RBM19: variants seen among roughly 807,000 people sequenced by gnomAD.
RBM19 encodes the protein RNA binding motif protein 19.
RBM19 carries 94 observed loss-of-function variants against 116.8 expected under a neutral mutation model. The ratio of observed to expected loss-of-function variants is 0.80; its 90% CI spans 0.68 to 0.95. The LOEUF (loss-of-function observed/expected upper bound fraction) is 0.95, where lower values mean the gene tolerates loss of function less well. Ranked by LOEUF, RBM19 falls within the 40% of genes least tolerant of loss-of-function variation. The pLI is 0.00. For missense variants in RBM19, 1,161 were observed against 1,220.7 expected (o/e 0.95, Z 0.73); for synonymous variants, 475 against 494.1 (o/e 0.96, Z 0.51).
chr12:113,936,268 G>A (rs1870053830), intron 16 of RBM19, among the ~76,000 whole-genome samples: 1 of 152,140 alleles, frequency 6.6e-6, no homozygotes, highest in Admixed American at 6.5e-5. Flanking sequence ...CGTAACATCT[G>A]GATAGAATGA....
chr12:113,943,350 G>C (rs1016662028), intron 13 of RBM19, among the ~76,000 whole-genome samples: 3 of 152,100 alleles, frequency 2.0e-5, no homozygotes, highest in Non-Finnish European at 2.9e-5. Context: ...GCTGGCCTGG[G>C]TCTAGAATTG....
At chr12:113,885,645 T>A (rs1880463102) in intron 21 of RBM19, among the ~76,000 whole-genome samples, 1 of 152,202 alleles carries the variant, frequency 6.6e-6, no homozygotes, top group Middle Eastern at 3.2e-3. Context: ...TTTAGATATT[T>A]ACTGGTGAAG....
At chr12:113,941,294 G>A (rs1189353291) in intron 14 of RBM19, among the ~76,000 whole-genome samples, 5 of 148,784 alleles carry the variant, frequency 3.4e-5, no homozygotes, top group East Asian at 2.0e-4. Flanking sequence ...AACTCAGGCC[G>A]CAGTGTTACA....
intron 23 of RBM19, among the ~76,000 whole-genome samples, chr12:113,829,819 A>G (rs1875210429): frequency 1.3e-5 from 2 of 152,212 alleles, no homozygotes; most frequent in Admixed American, 1.3e-4. Flanking sequence ...CATGAAAGCT[A>G]ACAATCAAAG....
intron 17 of RBM19, among the ~76,000 whole-genome samples, chr12:113,925,218 C>G (rs142628959): frequency 3.4e-4 from 51 of 152,220 alleles, no homozygotes; most frequent in Non-Finnish European, 6.3e-4. Flanking sequence ...CCATGTTTAC[C>G]TGGTTCCCGG....
intron 6 of RBM19, among the ~76,000 whole-genome samples, chr12:113,956,576 CAAAAA>C (rs10592306): frequency 3.0e-5 from 2 of 66,232 alleles, no homozygotes; most frequent in African/African-American, 6.6e-5. Flanking sequence ...AAGACTGTCT[CAAAAA>C]AAAAAAAAAA....
chr12:113,838,238 T>C (rs1322322044), intron 23 of RBM19, among the ~76,000 whole-genome samples: 1 of 151,990 alleles, frequency 6.6e-6, no homozygotes, highest in African/African-American at 2.4e-5. Flanking sequence ...CCAGCGTGCA[T>C]GGCTTTGGGA....
chr12:113,917,926 G>A (rs541675525), intron 20 of RBM19, among the ~76,000 whole-genome samples: 9 of 152,260 alleles, frequency 5.9e-5, no homozygotes, highest in Admixed American at 5.2e-4. Context: ...TAACACCTAC[G>A]GAATCTCTTT....
chr12:113,893,386 T>TC (rs1254251508), intron 21 of RBM19, among the ~76,000 whole-genome samples: 2 of 152,120 alleles, frequency 1.3e-5, no homozygotes, highest in African/African-American at 4.8e-5. Context: ...CGCCTTGCCC[T>TC]CCCAAAAGTG....
chr12:113,948,795 C>A, intron 10 of RBM19, 38 bp downstream of exon 10: 1 of 1,606,136 alleles, frequency 6.2e-7, no homozygotes, highest in Non-Finnish European at 8.5e-7. Flanking sequence ...GCTCCCATAG[C>A]CGCTGGGCTA....
chr12:113,839,841 T>C (rs1342282748), intron 23 of RBM19, among the ~76,000 whole-genome samples: 2 of 152,212 alleles, frequency 1.3e-5, no homozygotes, highest in Non-Finnish European at 2.9e-5. Flanking sequence ...ATCCAGGTCT[T>C]GCCCTGGAAC....
intron 9 of RBM19, among the ~76,000 whole-genome samples, chr12:113,949,821 G>T (rs1871325786): frequency 6.6e-6 from 1 of 152,124 alleles, no homozygotes; most frequent in Non-Finnish European, 1.5e-5. Flanking sequence ...ACCCGTGCCT[G>T]CTGTGTGTTT....
intron 5 of RBM19, 96 bp from the exon 6 acceptor site, chr12:113,958,146 A>AGG: frequency 6.6e-7 from 1 of 1,514,474 alleles, no homozygotes; most frequent in South Asian, 1.3e-5. Context: ...GAGAGGCCTG[A>AGG]GGCACCATGC....
chr12:113,931,408 G>C lies in RBM19; in HGVS notation c.2069-4179C>G, dbSNP rs961177350. Among the ~76,000 whole-genome samples the C allele has an allele frequency of 3.3e-5, 5 of 152,234 alleles. No individual in the cohort carries two copies. In the South Asian group the frequency reaches 6.2e-4, roughly 19 times the overall value. ...GAGCTGTGGCTGGTGTGCTTCGAAG[G>C]GGGAAGAGTTGTTATCTTTGCCAGC... On this transcript the variant is annotated intron_variant, in intron 16 of 23. Coordinates refer to ENST00000261741, the MANE Select transcript of RBM19 (RefSeq NM_016196.4).
intron 21 of RBM19, among the ~76,000 whole-genome samples, chr12:113,910,678 A>G (rs1448016253): frequency 6.6e-6 from 1 of 152,194 alleles, no homozygotes; most frequent in Non-Finnish European, 1.5e-5. Context: ...CAACAGTCTT[A>G]CCATGTTGGG....
intron 21 of RBM19, among the ~76,000 whole-genome samples, chr12:113,902,109 T>C (rs1482943737): frequency 6.6e-6 from 1 of 152,200 alleles, no homozygotes; most frequent in Non-Finnish European, 1.5e-5. Flanking sequence ...ATAATTGACC[T>C]TATTCAGATT....
At chr12:113,901,302 C>T (rs926762397) in intron 21 of RBM19, among the ~76,000 whole-genome samples, 1 of 151,820 alleles carries the variant, frequency 6.6e-6, no homozygotes, top group African/African-American at 2.4e-5. Flanking sequence ...CCCACTTATC[C>T]CCCCATCTGT....
chr12:113,961,579 A>G (rs537397571), intron 2 of RBM19, among the ~76,000 whole-genome samples: 5 of 152,274 alleles, frequency 3.3e-5, no homozygotes, highest in East Asian at 1.9e-4. Flanking sequence ...CACGAGACAT[A>G]TATATATTTA....
chr12:113,899,351 A>G (rs1881536218), intron 21 of RBM19, among the ~76,000 whole-genome samples: 1 of 152,214 alleles, frequency 6.6e-6, no homozygotes, highest in Admixed American at 6.5e-5. Context: ...CAGCAACCCT[A>G]AGCCAGGAGT....
Sources: allele counts gnomAD v4.1 joint callset (sites outside exome capture counted in the v4.1 genomes callset), GRCh38; gene constraint gnomAD v4.1.1; transcripts MANE v1.5; gene names NCBI Gene and HGNC (gene_info 2026-07-23, HGNC 2026-07-21).